CACNB2: variants seen among roughly 807,000 people sequenced by gnomAD.
The protein encoded by CACNB2 is voltage-dependent L-type calcium channel subunit beta-2.
Under a neutral mutation model 73.3 loss-of-function variants are expected in CACNB2, and 42 were observed. The observed-to-expected ratio is 0.57, with a 90% confidence interval of 0.45 to 0.74. The LOEUF is 0.74. Among genes scored for constraint, CACNB2 ranks in the 30% least tolerant of loss-of-function variants. The pLI is 0.00. For missense variants in CACNB2, 940 were observed against 853.0 expected, an observed-to-expected ratio of 1.10 and a Z score of -1.27; for synonymous variants, 348 against 310.3, an observed-to-expected ratio of 1.12 and a Z score of -1.28.
chr10:18,156,322 A>G (rs1239754645), intron 2 of CACNB2, among the ~76,000 whole-genome samples: 4 of 152,246 alleles, frequency 2.6e-5, no homozygotes, highest in Non-Finnish European at 4.4e-5. Flanking sequence ...TGAAGGTTCC[A>G]TTTTGTTAAT....
At chr10:18,426,662 A>T (rs2132774815) in intron 3 of CACNB2, among the ~76,000 whole-genome samples, 1 of 152,320 alleles carries the variant, frequency 6.6e-6, no homozygotes, top group South Asian at 2.1e-4. Context: ...CAACCTGGCG[A>T]GAATGTGTCT....
chr10:18,227,699 A>G (rs1164270714), intron 2 of CACNB2, among the ~76,000 whole-genome samples: 2 of 152,156 alleles, frequency 1.3e-5, no homozygotes, highest in Non-Finnish European at 2.9e-5. Flanking sequence ...AGGGAAAGGG[A>G]GTATGCGCTC....
intron 2 of CACNB2, among the ~76,000 whole-genome samples, chr10:18,399,860 A>G (rs1350434014): frequency 6.6e-6 from 1 of 152,240 alleles, no homozygotes; most frequent in Admixed American, 6.5e-5. Context: ...TTTCATTAGT[A>G]CAGGAAATTA....
chr10:18,361,498 C>CA (rs201696069), intron 2 of CACNB2, among the ~76,000 whole-genome samples: 70,886 of 122,452 alleles, frequency 0.58, 19,394 homozygotes, highest in East Asian at 0.93. Context: ...GACTCTATCT[C>CA]AAAAAAAAAA....
At position 18,542,255 on chromosome 10, in the gene CACNB2, C is replaced by G. The variant is rs1485655917; in HGVS notation, c.*2531C>G. Reference sequence around the variant, plus strand: ...AGCTTATATATGAAAAAATTTCCCTCAGTTCGTTAATTAGCCCTACACTGT... The same window carrying G: ...AGCTTATATATGAAAAAATTTCCCTGAGTTCGTTAATTAGCCCTACACTGT... On this transcript the variant is annotated 3_prime_UTR_variant, in exon 14 of 14. Coordinates refer to ENST00000324631, the MANE Select transcript of CACNB2 (RefSeq NM_201596.3). The G allele has an allele frequency of 6.6e-6, 1 of 152,104 alleles. No homozygotes were observed. The highest frequency in any genetic ancestry group is 1.5e-5 in the Non-Finnish European group (1 of 68,012). 9.4% of individuals were successfully genotyped at this position (152,104 alleles called of 1,614,324 possible).
chr10:18,359,218 A>T (rs1354044993), intron 2 of CACNB2, among the ~76,000 whole-genome samples: 1 of 152,168 alleles, frequency 6.6e-6, no homozygotes, highest in Non-Finnish European at 1.5e-5. Flanking sequence ...AAAAATAAAT[A>T]AATAGATGTG....
intron 3 of CACNB2, among the ~76,000 whole-genome samples, chr10:18,464,418 T>TAAAATAAAAAAAAAATAAAAAAA (rs1554824204): frequency 2.3e-5 from 2 of 85,298 alleles, no homozygotes; most frequent in African/African-American, 8.0e-5. Context: ...TCTCAAAAAT[T>TAAAATAAAAAAAAAATAAAAAAA]AAAAAAAAAA....
intron 2 of CACNB2, among the ~76,000 whole-genome samples, chr10:18,346,987 T>C (rs1428887782): frequency 2.0e-5 from 3 of 152,124 alleles, no homozygotes; most frequent in Non-Finnish European, 4.4e-5. Flanking sequence ...ACACACAAAA[T>C]AGACCTGCTG....
intron 2 of CACNB2, among the ~76,000 whole-genome samples, chr10:18,220,747 G>A (rs1049820545): frequency 1.3e-4 from 20 of 152,048 alleles, no homozygotes; most frequent in African/African-American, 4.4e-4. Flanking sequence ...TCATAGGAGC[G>A]TGCAAACCCT....
intron 2 of CACNB2, among the ~76,000 whole-genome samples, chr10:18,215,773 A>G (rs553286124): frequency 2.0e-5 from 3 of 152,276 alleles, no homozygotes; most frequent in East Asian, 3.9e-4. Flanking sequence ...TTAGGAGGCT[A>G]TAAATTTTCC....
At chr10:18,482,129 A>G (rs1044205345) in intron 3 of CACNB2, among the ~76,000 whole-genome samples, 7 of 152,192 alleles carry the variant, frequency 4.6e-5, no homozygotes, top group African/African-American at 1.7e-4. Context: ...CATGGCCTCA[A>G]GCAATCCATC....
At chr10:18,334,660 C>T (rs558042696) in intron 2 of CACNB2, among the ~76,000 whole-genome samples, 1 of 152,258 alleles carries the variant, frequency 6.6e-6, no homozygotes, top group Non-Finnish European at 1.5e-5. Flanking sequence ...ACCCTGGCCT[C>T]TGCCCACTAG....
At chr10:18,475,742 C>A (rs1276813791) in intron 3 of CACNB2, among the ~76,000 whole-genome samples, 2 of 152,108 alleles carry the variant, frequency 1.3e-5, no homozygotes, top group Non-Finnish European at 2.9e-5. Flanking sequence ...TGAGTGTGTC[C>A]CCTGTGCCAG....
At chr10:18,418,716 CT>C (rs927864895) in intron 3 of CACNB2, among the ~76,000 whole-genome samples, 2 of 151,952 alleles carry the variant, frequency 1.3e-5, no homozygotes, top group Non-Finnish European at 2.9e-5. Context: ...TGTCACTTCC[CT>C]TTTTTTTGGT....
chr10:18,189,616 T>C (rs2034305992), intron 2 of CACNB2, among the ~76,000 whole-genome samples: 1 of 152,252 alleles, frequency 6.6e-6, no homozygotes, highest in Admixed American at 6.5e-5. Flanking sequence ...TAAATACTTT[T>C]TTATTATAAA....
chr10:18,309,942 T>C (rs1431973373), intron 2 of CACNB2, among the ~76,000 whole-genome samples: 7 of 152,248 alleles, frequency 4.6e-5, no homozygotes. Flanking sequence ...TATTTTGCCA[T>C]TTAGAAATGA....
chr10:18,439,162 T>C (rs1455970008), intron 3 of CACNB2, among the ~76,000 whole-genome samples: 2 of 152,156 alleles, frequency 1.3e-5, no homozygotes, highest in Non-Finnish European at 2.9e-5. Flanking sequence ...AGTGGGAGGA[T>C]TGGGGGCTTA....
At chr10:18,406,219 T>G (rs1245090692) in intron 3 of CACNB2, among the ~76,000 whole-genome samples, 1 of 152,126 alleles carries the variant, frequency 6.6e-6, no homozygotes, top group Non-Finnish European at 1.5e-5. Context: ...TACAATAGGT[T>G]GTGGGGAAGG....
At chr10:18,483,678 A>T (rs2048910140) in intron 3 of CACNB2, among the ~76,000 whole-genome samples, 1 of 152,220 alleles carries the variant, frequency 6.6e-6, no homozygotes, top group Non-Finnish European at 1.5e-5. Context: ...TGGAGAAGAA[A>T]GTGAAGATTA....
Sources: allele counts gnomAD v4.1 joint callset (sites outside exome capture counted in the v4.1 genomes callset), GRCh38; gene constraint gnomAD v4.1.1; transcripts MANE v1.5; gene names NCBI Gene and HGNC (gene_info 2026-07-23, HGNC 2026-07-21).